ANO3: variants seen among roughly 807,000 people sequenced by gnomAD.
ANO3 encodes the protein anoctamin-3.
ANO3 carries 99 observed loss-of-function variants against 144.8 expected under a neutral mutation model. The observed-to-expected ratio is 0.68, with a 90% CI of 0.58 to 0.81. ANO3 has a LOEUF of 0.81. Ranked by LOEUF, ANO3 falls within the 30% of genes least tolerant of loss-of-function variation. ANO3 has a pLI of 0.00. For synonymous variants in ANO3, 414 were observed against 392.6 expected, an observed-to-expected ratio of 1.05 and a Z score of -0.64; for missense variants, 905 against 1,202.2, an observed-to-expected ratio of 0.75 and a Z score of 3.66.
chr11:26,587,470 G>C (rs1295882885), intron 14 of ANO3, among the ~76,000 whole-genome samples: 2 of 152,156 alleles, frequency 1.3e-5, no homozygotes, highest in Non-Finnish European at 2.9e-5. Context: ...TAATGCAACT[G>C]TTCTAGAGAA....
At chr11:26,231,332 C>G (rs770278715) in intron 1 of ANO3, among the ~76,000 whole-genome samples, 5 of 152,128 alleles carry the variant, frequency 3.3e-5, no homozygotes, top group Non-Finnish European at 5.9e-5. Flanking sequence ...TGGCCAAGCT[C>G]TGTGAGAACT....
In ANO3 at chr11:26,660,351, C is replaced by T; in HGVS notation, c.2853C>T (p.Tyr951=). 1 of 1,613,318 alleles carries T rather than the reference C, an allele frequency of 6.2e-7. No individual in the cohort carries two copies. The change falls in exon 27 of 27, where the codon TAC becomes TAT. Residue 951 remains tyrosine, a synonymous_variant. Transcript: ENST00000256737. ...ATGACCGAATACGACGAGAGAAGTA[C>T]TTAGTTCAAGAAATGATGTATGAGG... ...GLHDRIRREK[Y]LVQEMMYEAE...
chr11:26,298,932 T>G (rs1854154759), intron 1 of ANO3, among the ~76,000 whole-genome samples: 1 of 152,204 alleles, frequency 6.6e-6, no homozygotes, highest in South Asian at 2.1e-4. Flanking sequence ...AATGTCGAGT[T>G]TGGACTTGAT....
intron 1 of ANO3, among the ~76,000 whole-genome samples, chr11:26,425,683 T>G (rs185911589): frequency 1.3e-5 from 2 of 152,234 alleles, no homozygotes; most frequent in Admixed American, 6.6e-5. Context: ...TTTTCACCTT[T>G]CAACTATTTC....
chr11:26,206,821 T>A (rs1851803162), intron 1 of ANO3, among the ~76,000 whole-genome samples: 1 of 152,176 alleles, frequency 6.6e-6, no homozygotes, highest in Admixed American at 6.6e-5. Context: ...CATTTTTGCT[T>A]CACTAATTTA....
Position 26,512,450 on chromosome 11 carries a change from C to T in ANO3, c.591+4188C>T, listed in dbSNP as rs140225549. 5.8e-3 allele frequency among the ~76,000 whole-genome samples: 886 copies of T among 152,284 alleles called. 5 individuals are homozygous for T. Among genetic ancestry groups the T allele is most frequent in the Non-Finnish European group, 7.7e-3 (523 of 68,016 alleles). ...GGGAAAAGGTAATCTTTCTCCCTGA[C>T]AGCATCATCCCCGCACCAGCCCCCT... On this transcript the variant is annotated intron_variant, in intron 5 of 26. Transcript: ENST00000256737.
At chr11:26,306,197 AT>A (rs768766695), upstream of ANO3, among the ~76,000 whole-genome samples, 2 of 142,782 alleles carry the variant, frequency 1.4e-5, no homozygotes, top group African/African-American at 2.6e-5. Flanking sequence ...GATGGTCTCG[AT>A]CTCCTGACCT....
chr11:26,589,896 C>T (rs1228465190), intron 14 of ANO3, among the ~76,000 whole-genome samples: 2 of 152,154 alleles, frequency 1.3e-5, no homozygotes, highest in African/African-American at 4.8e-5. Flanking sequence ...TCTCTATTCA[C>T]CAGTTGCTTC....
At chr11:26,503,329 A>AGCTCTG (rs1413109279) in intron 4 of ANO3, among the ~76,000 whole-genome samples, 9 of 152,156 alleles carry the variant, frequency 5.9e-5, no homozygotes, top group Non-Finnish European at 1.0e-4. Flanking sequence ...TTATTATACC[A>AGCTCTG]AACAATTCAA....
chr11:26,201,812 T>C (rs1851699148), intron 1 of ANO3, among the ~76,000 whole-genome samples: 1 of 151,730 alleles, frequency 6.6e-6, no homozygotes, highest in Admixed American at 6.6e-5. Flanking sequence ...CACTGACTCT[T>C]TCTTGGTCTC....
Position 26,595,062 on chromosome 11 carries a change from T to C in ANO3, c.1448-3303T>C, listed in dbSNP as rs537813872. ...ATGTTTCCCATCTGAAAAAAGAACA[T>C]AGGGATGCCAGGATCCCCAGTCATT... On this transcript the variant is annotated intron_variant, in intron 14 of 26. Transcript: ENST00000256737. Among the ~76,000 whole-genome samples, 5 of 152,308 alleles carry C rather than the reference T, an allele frequency of 3.3e-5. No individual in the cohort carries two copies. The East Asian group carries it at 7.7e-4, about 23-fold the overall frequency.
chr11:26,418,284 A>C (rs920178552), intron 1 of ANO3, among the ~76,000 whole-genome samples: 1 of 152,124 alleles, frequency 6.6e-6, no homozygotes, highest in Admixed American at 6.6e-5. Flanking sequence ...CTACACATCA[A>C]CAAAATTGCT....
chr11:26,359,894 T>TGTG (rs1015992687), intron 1 of ANO3, among the ~76,000 whole-genome samples: 2 of 151,864 alleles, frequency 1.3e-5, no homozygotes, highest in Non-Finnish European at 2.9e-5. Flanking sequence ...TGTGTGTGTG[T>TGTG]GTGTGTAAAT....
chr11:26,488,226 G>A (rs1209665354), intron 4 of ANO3, among the ~76,000 whole-genome samples: 1 of 152,144 alleles, frequency 6.6e-6, no homozygotes, highest in Non-Finnish European at 1.5e-5. Context: ...CAGCATAAAA[G>A]TTCAGAAAAT....
intron 1 of ANO3, among the ~76,000 whole-genome samples, chr11:26,286,769 T>A (rs1385797822): frequency 2.0e-5 from 3 of 152,178 alleles, no homozygotes; most frequent in Non-Finnish European, 4.4e-5. Context: ...GCAGGGGTTC[T>A]TTCTGTTCAT....
intron 18 of ANO3, among the ~76,000 whole-genome samples, chr11:26,626,694 T>G (rs1266143405): frequency 6.6e-6 from 1 of 152,218 alleles, no homozygotes; most frequent in African/African-American, 2.4e-5. Context: ...TCCAGGAGAT[T>G]TTTGTATATT....
chr11:26,656,589 G>A (rs1853696613), intron 26 of ANO3, 108 bp downstream of exon 26: 4 of 719,478 alleles, frequency 5.6e-6, no homozygotes, highest in Non-Finnish European at 9.7e-6. Flanking sequence ...AAACACTTAA[G>A]TAGGTCCCGT....
intron 10 of ANO3, among the ~76,000 whole-genome samples, chr11:26,539,373 T>C (rs2703422): frequency 0.71 from 108,177 of 152,032 alleles, 38,786 homozygotes; most frequent in East Asian, 0.84. Context: ...TTGCAGCCCA[T>C]TGCATGTCAC....
intron 1 of ANO3, among the ~76,000 whole-genome samples, chr11:26,429,239 A>G (rs1034496801): frequency 6.6e-6 from 1 of 152,162 alleles, no homozygotes; most frequent in African/African-American, 2.4e-5. Flanking sequence ...AATGGAGAAG[A>G]TGAGAGTGCT....
Sources: gnomAD v4.1 joint callset for allele counts (sites outside exome capture counted in the v4.1 genomes callset) on GRCh38, gnomAD v4.1.1 for gene constraint, MANE v1.5 for transcripts, NCBI Gene and HGNC (gene_info 2026-07-23, HGNC 2026-07-21) for gene names.